SLC25A36: variants seen among roughly 807,000 people sequenced by gnomAD.
The protein encoded by SLC25A36 is solute carrier family 25 member 36, also known as epididymis secretory sperm binding protein.
A neutral mutation model predicts 35.3 loss-of-function variants in SLC25A36; 24 were observed. The observed-to-expected ratio is 0.68, with a 90% CI of 0.49 to 0.96. The LOEUF is 0.96. Among genes scored for constraint, SLC25A36 ranks in the 40% least tolerant of loss-of-function variants. SLC25A36 has a pLI of 0.00. For synonymous variants in SLC25A36, 141 were observed against 132.2 expected, an observed-to-expected ratio of 1.07 and a Z score of -0.46; for missense variants, 294 against 381.1, an observed-to-expected ratio of 0.77 and a Z score of 1.90.
rs1347691444 is a variant in SLC25A36, at chr3:140,978,805, G to A, written c.*2352G>A. ...TCTGCAATAGTTTATGTATGACAGA[G>A]ATAATTCAAAAAGGAAAACTATATA... On this transcript the variant is annotated 3_prime_UTR_variant, in exon 7 of 7. Coordinates refer to ENST00000324194, the MANE Select transcript of SLC25A36 (RefSeq NM_001104647.3). The A allele has an allele frequency of 6.6e-6, 1 of 152,082 alleles. No individual in the cohort carries two copies. The highest frequency in any genetic ancestry group is 1.9e-4 in the East Asian group (1 of 5,200). 9.4% of individuals were successfully genotyped at this position (152,082 alleles called of 1,614,324 possible). A position where few individuals can be genotyped will look rare whatever the true frequency, so the allele number is the denominator to read the frequency against.
At chr3:140,961,819 G>GCAC (rs1559814194) in intron 3 of SLC25A36, among the ~76,000 whole-genome samples, 2 of 123,320 alleles carry the variant, frequency 1.6e-5, no homozygotes, top group South Asian at 5.4e-4. Flanking sequence ...TAGGGCCACT[G>GCAC]CACTCCGGCC....
At chr3:140,975,711 T>C (rs1030023599) in intron 6 of SLC25A36, among the ~76,000 whole-genome samples, 3 of 152,206 alleles carry the variant, frequency 2.0e-5, no homozygotes, top group Non-Finnish European at 4.4e-5. Context: ...CTTAAAAATT[T>C]ATTATTTTTG....
At chr3:140,956,903 G>A (rs1023729711) in intron 2 of SLC25A36, 1 of 767,250 alleles carries the variant, frequency 1.3e-6, no homozygotes, top group East Asian at 3.8e-5. Context: ...TCCAAATCAT[G>A]TGTATTTAGA....
chr3:140,957,649 G>A (rs956723654), intron 2 of SLC25A36, among the ~76,000 whole-genome samples: 6 of 152,114 alleles, frequency 3.9e-5, no homozygotes, highest in Non-Finnish European at 8.8e-5. Context: ...GCTGAGGCAG[G>A]AGAATCACTT....
At chr3:140,944,094 T>A (rs1283315781) in intron 1 of SLC25A36, among the ~76,000 whole-genome samples, 1 of 152,232 alleles carries the variant, frequency 6.6e-6, no homozygotes, top group Non-Finnish European at 1.5e-5. Flanking sequence ...TGTGGTTACA[T>A]AAGTGAGTTC....
chr3:140,959,010 T>G (rs62281750), intron 2 of SLC25A36, among the ~76,000 whole-genome samples: 24 of 131,000 alleles, frequency 1.8e-4, no homozygotes, highest in East Asian at 2.3e-4. Context: ...GTGTGTGTGT[T>G]TTCTTTTTCT....
chr3:140,956,103 A>G (rs565096885), intron 1 of SLC25A36, among the ~76,000 whole-genome samples: 3 of 152,336 alleles, frequency 2.0e-5, no homozygotes, highest in Non-Finnish European at 4.4e-5. Context: ...TCAGAAGACC[A>G]TTTCTTCAGT....
intron 2 of SLC25A36, among the ~76,000 whole-genome samples, chr3:140,957,703 T>A (rs1934512501): frequency 6.6e-6 from 1 of 152,168 alleles, no homozygotes. Context: ...ATTGCGCCAC[T>A]GTATTCCAGT....
intron 1 of SLC25A36, among the ~76,000 whole-genome samples, chr3:140,946,184 A>G (rs890353016): frequency 6.6e-6 from 1 of 152,184 alleles, no homozygotes; most frequent in Non-Finnish European, 1.5e-5. Context: ...CTGTGGGAAA[A>G]AAAATGGTGC....
At chr3:140,963,018 G>T (rs933810566) in intron 3 of SLC25A36, 109 bp from the exon 4 acceptor site, 26 of 611,366 alleles carry the variant, frequency 4.3e-5, no homozygotes, top group Non-Finnish European at 6.6e-5. Flanking sequence ...ATGTGGCTAG[G>T]ACTTTATGGT....
intron 1 of SLC25A36, among the ~76,000 whole-genome samples, chr3:140,956,058 G>A (rs181460939): frequency 3.7e-4 from 56 of 152,290 alleles, no homozygotes; most frequent in Admixed American, 6.5e-4. Flanking sequence ...AGAGAACTAT[G>A]TATGGTTAAC....
At chr3:140,965,081 G>T (rs994768976) in intron 4 of SLC25A36, 7 of 151,814 alleles carry the variant, frequency 4.6e-5, no homozygotes, top group African/African-American at 1.7e-4. Flanking sequence ...AATACTGTTT[G>T]AATTTGTTTG....
rs1935065234 is a variant in SLC25A36 at position 140,977,001 on chromosome 3, G to T, written c.*548G>T. On this transcript the variant is annotated 3_prime_UTR_variant, in exon 7 of 7. Transcript: ENST00000324194. ...CAATGAAATAGCGTCTAAATATCTT[G>T]TATATTTTTTAGCATCAAAATGTTT... The T allele has an allele frequency of 1.3e-5, 2 of 152,154 alleles. No homozygotes were observed. Among genetic ancestry groups the T allele is most frequent in the Admixed American group, 1.3e-4 (2 of 15,270 alleles). The allele number at this position is 152,154 out of a possible 1,614,324, so 9.4% of individuals were successfully genotyped here.
chr3:140,947,718 C>T (rs1287115557), intron 1 of SLC25A36, among the ~76,000 whole-genome samples: 1 of 152,182 alleles, frequency 6.6e-6, no homozygotes, highest in Non-Finnish European at 1.5e-5. Flanking sequence ...AGAAACACTT[C>T]CTATACTTAA....
intron 1 of SLC25A36, among the ~76,000 whole-genome samples, chr3:140,947,984 A>ACT (rs1180757703): frequency 2.0e-5 from 3 of 151,988 alleles, no homozygotes; most frequent in African/African-American, 7.2e-5. Context: ...ATGGAGTTTC[A>ACT]CTCTTGTTGC....
chr3:140,959,996 T>A, intron 3 of SLC25A36, among the ~76,000 whole-genome samples: 1 of 152,130 alleles, frequency 6.6e-6, no homozygotes, highest in African/African-American at 2.4e-5. Context: ...ACCTGAGATT[T>A]TTTTGGGGGA....
rs1035115509 is a variant in SLC25A36 at position 140,978,232 on chromosome 3, C to G, written c.*1779C>G. 3 of 152,078 alleles carry G rather than the reference C, an allele frequency of 2.0e-5. No individual in the cohort carries two copies. The highest frequency in any genetic ancestry group is 7.2e-5 in the African/African-American group (3 of 41,426). The allele number at this position is 152,078 out of a possible 1,614,324, so 9.4% of individuals were successfully genotyped here. On this transcript the variant is annotated 3_prime_UTR_variant, in exon 7 of 7. Transcript: ENST00000324194. ...AAAAATATTCCAATCTATTTGGAGACCAAAGGCAAAATCAGTTTTCTTACC... is the reference window on the plus strand; with the variant it reads ...AAAAATATTCCAATCTATTTGGAGAGCAAAGGCAAAATCAGTTTTCTTACC...
At position 140,956,658 on chromosome 3, in the gene SLC25A36, G is replaced by A. The variant is rs144878842; in HGVS notation, c.173G>A (p.Arg58Gln). The change falls in exon 2 of 7, where the codon CGA becomes CAA. Residue 58 changes from arginine to glutamine, a missense_variant. Arg to Gln is a conservative substitution (Grantham distance 43, BLOSUM62 1). This residue lies in a region of SLC25A36 where 185 missense variants were observed against 201.5 expected (regional missense o/e 0.92). Coordinates refer to ENST00000324194, the MANE Select transcript of SLC25A36 (RefSeq NM_001104647.3). The stretch of plus-strand genomic sequence containing the variant: ...ACCATGGCTGGAGCCAGTGTCAACC[G>A]AGTAGTGTCTCCCGGACCTCTTCAT... ...LNTMAGASVN[R>Q]VVSPGPLHCL... 455 of 1,613,694 alleles carry A rather than the reference G, an allele frequency of 2.8e-4. No homozygotes were observed. The highest frequency in any genetic ancestry group is 3.7e-4 in the Non-Finnish European group (435 of 1,179,860).
intron 4 of SLC25A36, chr3:140,963,707 T>G (rs1934689804): frequency 6.5e-6 from 1 of 153,864 alleles, no homozygotes; most frequent in East Asian, 1.9e-4. Context: ...TATTGACAAT[T>G]CAGTTACTAT....
Sources: gnomAD v4.1 joint callset for allele counts (sites outside exome capture counted in the v4.1 genomes callset) on GRCh38, gnomAD v4.1.1 for gene constraint, gnomAD v4.1.1 regional missense constraint, MANE v1.5 for transcripts, NCBI Gene and HGNC (gene_info 2026-07-23, HGNC 2026-07-21) for gene names.